Variants in PCMTD1 observed in about 807,000 individuals in gnomAD.
PCMTD1 encodes the protein protein-L-isoaspartate (D-aspartate) O-methyltransferase domain containing 1, also known as protein-L-isoaspartate O-methyltransferase domain-containing protein 1.
In PCMTD1, 12 loss-of-function variants were observed where a neutral mutation model predicts 37.6. That is an observed-to-expected ratio of 0.32 (90% confidence interval 0.20 to 0.52). The LOEUF (loss-of-function observed/expected upper bound fraction) is 0.52. PCMTD1 is among the 20% of genes least tolerant of loss of function. The pLI, the probability that PCMTD1 is intolerant of heterozygous loss-of-function variation, is 0.97. For missense variants in PCMTD1, 235 were observed against 421.3 expected, an observed-to-expected ratio of 0.56 and a Z score of 3.87; for synonymous variants, 117 against 135.8, an observed-to-expected ratio of 0.86 and a Z score of 0.96.
rs570900418 is a variant in PCMTD1 at position 51,896,415 on chromosome 8, T to C, written c.-96+2515A>G. The C allele has an allele frequency of 2.6e-5, 4 of 152,342 alleles. No homozygotes were observed. In the South Asian group the frequency reaches 6.2e-4, roughly 24 times the overall value. 9.4% of individuals were successfully genotyped at this position (152,342 alleles called of 1,614,324 possible). A position where few individuals can be genotyped will look rare whatever the true frequency, so the allele number is the denominator to read the frequency against. ...AAATTTTAATCCTTTTAGACTTTTT[T>C]AGGGCCCTCTTGGTATTCTTTCCAG... On this transcript the variant is annotated intron_variant, in intron 1 of 5. Transcript: ENST00000522514.
At chr8:51,830,631 C>T (rs1025641171) in intron 5 of PCMTD1, among the ~76,000 whole-genome samples, 3 of 152,152 alleles carry the variant, frequency 2.0e-5, no homozygotes, top group African/African-American at 7.2e-5. Context: ...TGATAATCCA[C>T]CCTCCACAGG....
Position 51,820,727 on chromosome 8 carries a change from A to C in PCMTD1, c.707-9T>G. On this transcript the variant is annotated splice_polypyrimidine_tract_variant and intron_variant, in intron 5 of 5. Coordinates refer to ENST00000522514, the MANE Select transcript of PCMTD1 (RefSeq NM_052937.4). ...CCTGACAGCACAGGGAGCTAAAAAC[A>C]AACATAAAACGCAAGAAAGAAAATA... The C allele has an allele frequency of 6.3e-7, 1 of 1,577,018 alleles. No homozygotes were observed. The highest frequency in any genetic ancestry group is 8.6e-7 in the Non-Finnish European group (1 of 1,166,418).
At chr8:51,832,423 G>C (rs796143965) in intron 4 of PCMTD1, among the ~76,000 whole-genome samples, 7 of 152,262 alleles carry the variant, frequency 4.6e-5, no homozygotes, top group African/African-American at 1.7e-4. Flanking sequence ...CATGGTGATA[G>C]TGAGATCCAC....
At chr8:51,833,087 T>A (rs2038019134) in intron 4 of PCMTD1, among the ~76,000 whole-genome samples, 1 of 152,222 alleles carries the variant, frequency 6.6e-6, no homozygotes, top group Non-Finnish European at 1.5e-5. Flanking sequence ...TCAAGCGATC[T>A]GCCTGCCTCA....
At chr8:51,832,235 A>G (rs571151017) in intron 4 of PCMTD1, among the ~76,000 whole-genome samples, 155 of 152,398 alleles carry the variant, frequency 1.0e-3, no homozygotes, top group African/African-American at 3.5e-3. Flanking sequence ...TGAGGAAGTC[A>G]TATTTTACGT....
At chr8:51,851,588 G>A (rs950055920) in intron 2 of PCMTD1, among the ~76,000 whole-genome samples, 1 of 151,118 alleles carries the variant, frequency 6.6e-6, no homozygotes, top group African/African-American at 2.4e-5. Context: ...AATAAGCTGA[G>A]AATAAGGTAT....
intron 2 of PCMTD1, among the ~76,000 whole-genome samples, chr8:51,850,696 G>A (rs756909377): frequency 1.3e-5 from 2 of 152,142 alleles, no homozygotes; most frequent in Non-Finnish European, 2.9e-5. Flanking sequence ...CCACAAGGGG[G>A]AGTAGGTGGA....
chr8:51,882,656 CAGTT>C (rs1420720065), intron 1 of PCMTD1, among the ~76,000 whole-genome samples: 1 of 151,876 alleles, frequency 6.6e-6, no homozygotes, highest in Admixed American at 6.6e-5. Flanking sequence ...TGTAGTTTCT[CAGTT>C]ATTTAAGATC....
chr8:51,836,710 GCATATGC>G (rs2038071960), intron 3 of PCMTD1, among the ~76,000 whole-genome samples: 1 of 152,118 alleles, frequency 6.6e-6, no homozygotes, highest in Admixed American at 6.5e-5. Context: ...TACAGAAAAA[GCATATGC>G]TTATGGTACT....
At chr8:51,870,512 T>C (rs184220594) in intron 1 of PCMTD1, 2 of 152,372 alleles carry the variant, frequency 1.3e-5, no homozygotes, top group African/African-American at 2.4e-5. Flanking sequence ...CTATATTCAA[T>C]GATGAATACA....
intron 1 of PCMTD1, among the ~76,000 whole-genome samples, chr8:51,861,663 C>G (rs1407194512): frequency 6.6e-6 from 1 of 151,992 alleles, no homozygotes; most frequent in Non-Finnish European, 1.5e-5. Flanking sequence ...TGCTGCTCTG[C>G]AAAGTGACAC....
chr8:51,856,505 A>C (rs2038392370), intron 2 of PCMTD1, among the ~76,000 whole-genome samples: 2 of 152,354 alleles, frequency 1.3e-5, no homozygotes, highest in African/African-American at 2.4e-5. Flanking sequence ...CTCTTTAAGA[A>C]TCTACCTAAC....
chr8:51,827,372 T>A, intron 5 of PCMTD1: 1 of 815,152 alleles, frequency 1.2e-6, no homozygotes, highest in Non-Finnish European at 1.8e-6. Flanking sequence ...CTGAAAATAT[T>A]AAATGGAAAA....
intron 1 of PCMTD1, among the ~76,000 whole-genome samples, chr8:51,895,229 G>A (rs549635910): frequency 5.9e-5 from 9 of 152,258 alleles, no homozygotes; most frequent in South Asian, 2.1e-4. Flanking sequence ...AGAAGGGAGA[G>A]TTGGAGATGC....
At position 51,852,858 on chromosome 8, in the gene PCMTD1, A is replaced by C. The variant is rs182642358; in HGVS notation, c.308-7095T>G. Among the ~76,000 whole-genome samples, 6 of 152,326 alleles carry C rather than the reference A, an allele frequency of 3.9e-5. No homozygotes were observed. The East Asian group carries it at 9.7e-4, about 25-fold the overall frequency. ...CAGAGGAGAAAGAAGAGAATTTGTT[A>C]AACTTTTTGTCACGTGTGGAAGAGG... On this transcript the variant is annotated intron_variant, in intron 2 of 5. Coordinates refer to ENST00000522514, the MANE Select transcript of PCMTD1 (RefSeq NM_052937.4).
chr8:51,894,599 C>T (rs1174201594), intron 1 of PCMTD1, among the ~76,000 whole-genome samples: 1 of 152,168 alleles, frequency 6.6e-6, no homozygotes, highest in Non-Finnish European at 1.5e-5. Flanking sequence ...GACATAAACA[C>T]CCAAGTGGGT....
chr8:51,836,581 A>C (rs1172500125), intron 3 of PCMTD1, among the ~76,000 whole-genome samples: 1 of 152,184 alleles, frequency 6.6e-6, no homozygotes, highest in African/African-American at 2.4e-5. Context: ...AAATGAACTA[A>C]ATTAAAAAAA....
At chr8:51,848,225 A>T (rs1407953594) in intron 2 of PCMTD1, among the ~76,000 whole-genome samples, 1 of 151,680 alleles carries the variant, frequency 6.6e-6, no homozygotes, top group Non-Finnish European at 1.5e-5. Context: ...TATGTTTCCT[A>T]TAAGACTCTT....
chr8:51,861,375 T>C (rs2038466929), intron 1 of PCMTD1, 129 bp from the exon 2 acceptor site: 1 of 630,774 alleles, frequency 1.6e-6, no homozygotes, highest in Non-Finnish European at 2.5e-6. Context: ...AGCATAGTGT[T>C]AAACTCCTTC....
Sources: gnomAD v4.1 joint callset for allele counts (sites outside exome capture counted in the v4.1 genomes callset) on GRCh38, gnomAD v4.1.1 for gene constraint, MANE v1.5 for transcripts, NCBI Gene and HGNC (gene_info 2026-07-23, HGNC 2026-07-21) for gene names.